Variants in CDH8 observed in about 807,000 individuals in gnomAD.
CDH8 encodes cadherin-8.
A neutral mutation model predicts 68.1 loss-of-function variants in CDH8; 17 were observed. That is an observed-to-expected ratio of 0.25 (90% CI 0.17 to 0.37). CDH8 has a LOEUF of 0.37. CDH8 is among the 10% of genes least tolerant of loss of function. The probability of loss-of-function intolerance (pLI) is 1.00; values close to 1 mark genes in which losing one functional copy is unlikely to be tolerated. For missense variants in CDH8, 763 were observed against 999.3 expected (o/e 0.76, Z 3.19); for synonymous variants, 372 against 365.1 (o/e 1.02, Z -0.21).
chr16:61,733,871 C>G (rs1318146207), intron 8 of CDH8, among the ~76,000 whole-genome samples: 1 of 151,874 alleles, frequency 6.6e-6, no homozygotes, highest in African/African-American at 2.4e-5. Context: ...CCACAGTGAT[C>G]CAGTAAATGA....
At chr16:61,809,880 G>T (rs889805953) in intron 7 of CDH8, among the ~76,000 whole-genome samples, 2 of 152,172 alleles carry the variant, frequency 1.3e-5, no homozygotes, top group African/African-American at 4.8e-5. Flanking sequence ...CTATAGCAAA[G>T]ACCGTGGAAT....
intron 10 of CDH8, among the ~76,000 whole-genome samples, chr16:61,681,875 A>G (rs1286559553): frequency 6.6e-6 from 1 of 151,878 alleles, no homozygotes; most frequent in Non-Finnish European, 1.5e-5. Flanking sequence ...GAATGCTGAC[A>G]ATAGCTGGCA....
At chr16:61,751,296 A>C (rs952820102) in intron 8 of CDH8, among the ~76,000 whole-genome samples, 1 of 149,796 alleles carries the variant, frequency 6.7e-6, no homozygotes, top group Non-Finnish European at 1.5e-5. Flanking sequence ...GTGAAAGTGG[A>C]ATTACATACT....
Position 61,821,884 on chromosome 16 carries a change from C to T in CDH8, c.836-771G>A, listed in dbSNP as rs1252281473. 3.9e-5 allele frequency among the ~76,000 whole-genome samples: 6 copies of T among 151,934 alleles called. No homozygotes were observed. In the East Asian group the frequency reaches 1.2e-3, roughly 30 times the overall value. On this transcript the variant is annotated intron_variant, in intron 5 of 11. Coordinates refer to ENST00000577390, the MANE Select transcript of CDH8 (RefSeq NM_001796.5). ...GCTGTTGGTGTCCCAATCATAACCCCCGGCCATTGTTACTGTAGTGTACAC... is the reference window on the plus strand; with the variant it reads ...GCTGTTGGTGTCCCAATCATAACCCTCGGCCATTGTTACTGTAGTGTACAC...
chr16:61,834,896 C>T (rs766885472), intron 4 of CDH8, among the ~76,000 whole-genome samples: 2 of 151,914 alleles, frequency 1.3e-5, no homozygotes, highest in Non-Finnish European at 2.9e-5. Flanking sequence ...GACAAAGTCC[C>T]GCAGCCTGCA....
At chr16:61,738,282 A>G (rs745893628) in intron 8 of CDH8, among the ~76,000 whole-genome samples, 20 of 152,160 alleles carry the variant, frequency 1.3e-4, no homozygotes, top group Non-Finnish European at 2.5e-4. Flanking sequence ...AATGCTCTCT[A>G]AATGGGGAGA....
chr16:62,027,221 C>A (rs751709538), intron 1 of CDH8, among the ~76,000 whole-genome samples: 28 of 152,156 alleles, frequency 1.8e-4, no homozygotes, highest in Admixed American at 6.5e-4. Flanking sequence ...TACTTAAAAT[C>A]TGACTTTTCA....
intron 2 of CDH8, among the ~76,000 whole-genome samples, chr16:61,961,602 A>G (rs1473729651): frequency 6.6e-6 from 1 of 152,122 alleles, no homozygotes; most frequent in South Asian, 2.1e-4. Flanking sequence ...TCACGGAAGA[A>G]TCTTCTGTTT....
intron 6 of CDH8, 164 bp from the exon 7 acceptor site, chr16:61,817,896 G>T: frequency 1.8e-6 from 1 of 562,408 alleles, no homozygotes; most frequent in Non-Finnish European, 3.0e-6. Flanking sequence ...AATTTTATGG[G>T]CATTTATTTA....
intron 4 of CDH8, among the ~76,000 whole-genome samples, chr16:61,847,238 A>G (rs1258267325): frequency 6.6e-6 from 1 of 152,050 alleles, no homozygotes; most frequent in Non-Finnish European, 1.5e-5. Flanking sequence ...CCTGCAATGC[A>G]TAGTGAGGAA....
intron 3 of CDH8, among the ~76,000 whole-genome samples, chr16:61,900,493 C>G (rs909922877): frequency 1.3e-5 from 2 of 152,146 alleles, no homozygotes; most frequent in South Asian, 2.1e-4. Context: ...TTCTTATCAT[C>G]ATGGCAGGGG....
At chr16:62,015,563 T>G (rs1358978485) in intron 2 of CDH8, among the ~76,000 whole-genome samples, 4 of 152,178 alleles carry the variant, frequency 2.6e-5, no homozygotes, top group African/African-American at 9.6e-5. Context: ...AAGCCAGATC[T>G]CCAAGAGATC....
chr16:61,727,057 C>T (rs1299656893), intron 9 of CDH8, 37 bp downstream of exon 9: 1 of 1,605,182 alleles, frequency 6.2e-7, no homozygotes, highest in Non-Finnish European at 8.5e-7. Flanking sequence ...CAGTTGTATA[C>T]AAACATATTC....
intron 7 of CDH8, among the ~76,000 whole-genome samples, chr16:61,817,130 A>T (rs1262691235): frequency 2.0e-5 from 3 of 152,180 alleles, no homozygotes; most frequent in Non-Finnish European, 4.4e-5. Flanking sequence ...AAACAAACAA[A>T]CAAAAAAAGC....
chr16:61,781,162 C>A (rs558393242), intron 8 of CDH8, among the ~76,000 whole-genome samples: 17 of 152,238 alleles, frequency 1.1e-4, no homozygotes, highest in Non-Finnish European at 2.2e-4. Flanking sequence ...GTTTTTCTTA[C>A]TTGTGTGGGA....
intron 2 of CDH8, among the ~76,000 whole-genome samples, chr16:61,975,253 C>A (rs889655601): frequency 2.0e-5 from 3 of 151,934 alleles, no homozygotes; most frequent in Non-Finnish European, 2.9e-5. Context: ...AAGAAAAAAA[C>A]CGAAAGAGAG....
At chr16:62,023,273 C>T (rs1333097337) in intron 1 of CDH8, among the ~76,000 whole-genome samples, 1 of 152,104 alleles carries the variant, frequency 6.6e-6, no homozygotes, top group Non-Finnish European at 1.5e-5. Context: ...TCTCTCTAGA[C>T]CCGAGCGAGA....
chr16:61,925,242 G>C (rs1213040822), intron 2 of CDH8, among the ~76,000 whole-genome samples: 1 of 152,132 alleles, frequency 6.6e-6, no homozygotes, highest in Non-Finnish European at 1.5e-5. Context: ...AATCAGACAT[G>C]GCCACGCTGG....
chr16:61,795,221 C>T (rs1443736110), intron 7 of CDH8, among the ~76,000 whole-genome samples: 3 of 151,996 alleles, frequency 2.0e-5, no homozygotes, highest in South Asian at 2.1e-4. Flanking sequence ...GGGGTAATGA[C>T]TTAAATTTCA....
Sources: allele counts gnomAD v4.1 joint callset (sites outside exome capture counted in the v4.1 genomes callset), GRCh38; gene constraint gnomAD v4.1.1; transcripts MANE v1.5; gene names NCBI Gene and HGNC (gene_info 2026-07-23, HGNC 2026-07-21).